The following PRKAR2B variants were observed in gnomAD, a reference collection of about 807,000 sequenced individuals.
PRKAR2B encodes the protein cAMP-dependent protein kinase type II-beta regulatory subunit.
Under a neutral mutation model 49.9 loss-of-function variants are expected in PRKAR2B, and 14 were observed. That is an observed-to-expected ratio of 0.28 (90% CI 0.19 to 0.44). The LOEUF is 0.44. Among genes scored for constraint, PRKAR2B ranks in the 20% least tolerant of loss-of-function variants. The pLI is 1.00. For synonymous variants in PRKAR2B, 196 were observed against 197.7 expected (o/e 0.99, Z 0.07); for missense variants, 393 against 537.9 (o/e 0.73, Z 2.67).
chr7:107,056,974 C>G (rs531429346), intron 1 of PRKAR2B, among the ~76,000 whole-genome samples: 1 of 152,196 alleles, frequency 6.6e-6, no homozygotes, highest in African/African-American at 2.4e-5. Context: ...TCTGGCCCCC[C>G]ACAAACCACT....
At chr7:107,146,241 C>A in intron 5 of PRKAR2B, 67 bp from the exon 6 acceptor site, 1 of 1,486,330 alleles carries the variant, frequency 6.7e-7, no homozygotes, top group Non-Finnish European at 9.1e-7. Context: ...GGGCTCTTTT[C>A]TGAAATAATG....
intron 2 of PRKAR2B, among the ~76,000 whole-genome samples, chr7:107,119,061 G>A (rs1795341768): frequency 1.3e-5 from 2 of 152,148 alleles, no homozygotes. Context: ...ATAATATTGA[G>A]ACAATTGATA....
At chr7:107,134,977 A>G (rs543070425) in intron 4 of PRKAR2B, among the ~76,000 whole-genome samples, 1 of 152,302 alleles carries the variant, frequency 6.6e-6, no homozygotes, top group South Asian at 2.1e-4. Flanking sequence ...AAAGATAAAT[A>G]GGACTTCACA....
intron 2 of PRKAR2B, 21 bp downstream of exon 2, chr7:107,070,337 G>T: frequency 6.3e-7 from 1 of 1,581,680 alleles, no homozygotes; most frequent in South Asian, 1.1e-5. Context: ...TTATATTATG[G>T]ATTTTGTTTA....
intron 2 of PRKAR2B, 29 bp from the exon 3 acceptor site, chr7:107,121,923 C>A (rs781028918): frequency 6.8e-7 from 1 of 1,462,800 alleles, no homozygotes; most frequent in Non-Finnish European, 9.5e-7. Context: ...ATGAAACAAT[C>A]TTTAAGATGT....
chr7:107,117,293 C>T (rs917645103), intron 2 of PRKAR2B, among the ~76,000 whole-genome samples: 1 of 152,006 alleles, frequency 6.6e-6, no homozygotes, highest in African/African-American at 2.4e-5. Context: ...TCTACTGAGT[C>T]ACAACTCTGT....
At chr7:107,121,591 A>G (rs1308535401) in intron 2 of PRKAR2B, among the ~76,000 whole-genome samples, 1 of 152,130 alleles carries the variant, frequency 6.6e-6, no homozygotes, top group African/African-American at 2.4e-5. Context: ...GTTAGTCACA[A>G]CTATATGATT....
At chr7:107,134,385 T>G (rs1015131917) in intron 4 of PRKAR2B, among the ~76,000 whole-genome samples, 1 of 152,206 alleles carries the variant, frequency 6.6e-6, no homozygotes, top group South Asian at 2.1e-4. Flanking sequence ...TTCCATATTC[T>G]TTTTAAAAAA....
chr7:107,079,830 G>C (rs1387008822), intron 2 of PRKAR2B, among the ~76,000 whole-genome samples: 1 of 152,170 alleles, frequency 6.6e-6, no homozygotes, highest in East Asian at 1.9e-4. Flanking sequence ...TCTGGATGAG[G>C]TCAAAGAAAA....
chr7:107,153,357 A>G (rs1796023754), intron 8 of PRKAR2B, 106 bp downstream of exon 8: 1 of 679,426 alleles, frequency 1.5e-6, no homozygotes. Context: ...GTATGCAGTG[A>G]TGGGTTAAAT....
intron 1 of PRKAR2B, among the ~76,000 whole-genome samples, chr7:107,045,835 A>C (rs1793677450): frequency 6.6e-6 from 1 of 152,218 alleles, no homozygotes; most frequent in Non-Finnish European, 1.5e-5. Context: ...GACACGTAAC[A>C]AAGGATTCTA....
intron 5 of PRKAR2B, among the ~76,000 whole-genome samples, chr7:107,144,454 C>A (rs1012137405): frequency 6.6e-6 from 1 of 151,680 alleles, no homozygotes; most frequent in Non-Finnish European, 1.5e-5. Context: ...ATTAATAATC[C>A]TTTTCTTTCT....
In PRKAR2B at chr7:107,100,793, A is replaced by T. The variant is rs571988916; in HGVS notation, c.344-21159A>T. Among the ~76,000 whole-genome samples the T allele has an allele frequency of 1.5e-4, 22 of 147,320 alleles. No homozygotes were observed. The East Asian group carries it at 3.9e-3, about 26-fold the overall frequency. On this transcript the variant is annotated intron_variant, in intron 2 of 10. Coordinates refer to ENST00000265717, the MANE Select transcript of PRKAR2B (RefSeq NM_002736.3). ...GCCCACCTAATGAGTTTTTCATCTC[A>T]GTTATTGTGCTTTTTAACTCCAGAA...
At chr7:107,157,944 T>C (rs916028724) in intron 10 of PRKAR2B, among the ~76,000 whole-genome samples, 5 of 152,176 alleles carry the variant, frequency 3.3e-5, no homozygotes, top group Admixed American at 6.5e-5. Context: ...TTTAAGAAAA[T>C]TGATCTCACA....
intron 1 of PRKAR2B, among the ~76,000 whole-genome samples, chr7:107,065,310 C>CGG (rs1475380352): frequency 7.2e-6 from 1 of 137,964 alleles, no homozygotes; most frequent in African/African-American, 2.7e-5. Context: ...TTTGTTTGCT[C>CGG]GGGGTGTGTG....
chr7:107,136,734 T>G (rs1323375804), intron 4 of PRKAR2B, among the ~76,000 whole-genome samples: 2 of 152,194 alleles, frequency 1.3e-5, no homozygotes, highest in Non-Finnish European at 2.9e-5. Context: ...TACAGCCACT[T>G]TAGAAGATTG....
At chr7:107,092,277 C>CTGTGTG (rs34049788) in intron 2 of PRKAR2B, among the ~76,000 whole-genome samples, 4,632 of 146,078 alleles carry the variant, frequency 0.032, 85 homozygotes, top group East Asian at 0.08. Flanking sequence ...GTGCGTGTGT[C>CTGTGTG]TGTGTGTGTG....
chr7:107,095,680 A>G (rs1008751259), intron 2 of PRKAR2B, among the ~76,000 whole-genome samples: 3 of 152,232 alleles, frequency 2.0e-5, no homozygotes, highest in Non-Finnish European at 4.4e-5. Flanking sequence ...ATGTCCCATC[A>G]GTACCTAGTT....
At chr7:107,149,109 C>T (rs571950824) in intron 6 of PRKAR2B, among the ~76,000 whole-genome samples, 8 of 152,242 alleles carry the variant, frequency 5.3e-5, no homozygotes, top group African/African-American at 1.7e-4. Context: ...AATTATTGAG[C>T]CCTACATGCA....
Sources: allele counts gnomAD v4.1 joint callset (sites outside exome capture counted in the v4.1 genomes callset), GRCh38; gene constraint gnomAD v4.1.1; transcripts MANE v1.5; gene names NCBI Gene and HGNC (gene_info 2026-07-23, HGNC 2026-07-21).